ERC1: variants seen among roughly 807,000 people sequenced by gnomAD.
ERC1 encodes the protein RAB6 interacting protein 2.
A neutral mutation model predicts 132.0 loss-of-function variants in ERC1; 56 were observed. The observed-to-expected ratio is 0.42, with a 90% CI of 0.34 to 0.53. The LOEUF is 0.53. ERC1 is among the 20% of genes least tolerant of loss of function. The pLI is 0.03. For synonymous variants in ERC1, 478 were observed against 476.1 expected (o/e 1.00, Z -0.05); for missense variants, 1,202 against 1,349.9 (o/e 0.89, Z 1.72).
At chr12:1,130,740 A>T (rs35043138) in intron 7 of ERC1, among the ~76,000 whole-genome samples, 132,912 of 151,522 alleles carry the variant, frequency 0.88, 58,941 homozygotes, top group East Asian at 1. Context: ...CAAACAGAGC[A>T]CAATTGCAGT....
chr12:1,216,630 G>C (rs1402333047), intron 12 of ERC1, among the ~76,000 whole-genome samples: 2 of 105,658 alleles, frequency 1.9e-5, no homozygotes, highest in African/African-American at 7.6e-5. Context: ...GGTGGGGGGC[G>C]GGGGGAGTAA....
intron 18 of ERC1, among the ~76,000 whole-genome samples, chr12:1,448,444 A>G (rs2154414862): frequency 6.6e-6 from 1 of 152,350 alleles, no homozygotes; most frequent in Non-Finnish European, 1.5e-5. Flanking sequence ...GAAGTAATGT[A>G]GGCTGTCTAA....
intron 17 of ERC1, among the ~76,000 whole-genome samples, chr12:1,436,294 C>G (rs779815041): frequency 1.3e-5 from 2 of 152,214 alleles, no homozygotes; most frequent in East Asian, 3.8e-4. Flanking sequence ...TATCAAATCT[C>G]ATAGTGACTA....
chr12:1,366,879 A>C (rs1466116898), intron 15 of ERC1, among the ~76,000 whole-genome samples: 1 of 152,220 alleles, frequency 6.6e-6, no homozygotes, highest in Non-Finnish European at 1.5e-5. Flanking sequence ...TTTACATTAA[A>C]GAGATATTTC....
chr12:1,431,614 T>A (rs559002072), intron 17 of ERC1, among the ~76,000 whole-genome samples: 1 of 152,368 alleles, frequency 6.6e-6, no homozygotes, highest in East Asian at 1.9e-4. Flanking sequence ...AATTATCACT[T>A]CCTGTAACTG....
At chr12:1,483,759 G>A (rs376877604) in intron 18 of ERC1, among the ~76,000 whole-genome samples, 3 of 125,914 alleles carry the variant, frequency 2.4e-5, no homozygotes, top group African/African-American at 6.2e-5. Context: ...GCGCGATCTC[G>A]CCTTACTGCA....
intron 7 of ERC1, among the ~76,000 whole-genome samples, chr12:1,130,989 A>T (rs1948709163): frequency 6.6e-6 from 1 of 152,234 alleles, no homozygotes; most frequent in South Asian, 2.1e-4. Flanking sequence ...CTGTTAAAAA[A>T]ATTTATGAAG....
intron 7 of ERC1, among the ~76,000 whole-genome samples, chr12:1,121,679 CTATCTCTATCTCTATCTCT>C (rs1947139414): frequency 1.4e-5 from 1 of 69,286 alleles, no homozygotes; most frequent in African/African-American, 5.6e-5. Context: ...CTATCTCTAT[CTATCTCTATCTCTATCTCT>C]ATCTCTATCT....
At chr12:1,468,410 C>G (rs901802709) in intron 18 of ERC1, among the ~76,000 whole-genome samples, 1 of 152,178 alleles carries the variant, frequency 6.6e-6, no homozygotes, top group Non-Finnish European at 1.5e-5. Context: ...CAAGGTCAGC[C>G]TGGCCAACAT....
intron 4 of ERC1, among the ~76,000 whole-genome samples, chr12:1,108,245 G>C (rs1044520192): frequency 2.0e-5 from 3 of 152,152 alleles, no homozygotes; most frequent in African/African-American, 7.2e-5. Context: ...GGTAGTGAGG[G>C]TGCTAATTTG....
chr12:1,039,040 A>T (rs1456758367), intron 2 of ERC1, among the ~76,000 whole-genome samples: 2 of 151,970 alleles, frequency 1.3e-5, no homozygotes, highest in Non-Finnish European at 2.9e-5. Context: ...CCCATCTCTT[A>T]AAAAACAAAA....
At chr12:1,301,737 C>T (rs1594866308) in intron 15 of ERC1, among the ~76,000 whole-genome samples, 5 of 151,812 alleles carry the variant, frequency 3.3e-5, no homozygotes, top group Non-Finnish European at 2.9e-5. Flanking sequence ...AATACCTGAG[C>T]GATGAAATAG....
intron 8 of ERC1, among the ~76,000 whole-genome samples, chr12:1,144,624 A>ATATATATATATATATATATATATGTT (rs147176639): frequency 6.7e-6 from 1 of 149,552 alleles, no homozygotes; most frequent in African/African-American, 2.5e-5. Context: ...GTATATATAT[A>ATATATATATATATATATATATATGTT]TATATATATA....
At chr12:1,346,669 G>A (rs530393921) in intron 15 of ERC1, among the ~76,000 whole-genome samples, 31 of 152,244 alleles carry the variant, frequency 2.0e-4, no homozygotes, top group South Asian at 4.1e-4. Flanking sequence ...TCGGCCGGGC[G>A]CGGTGGCTCA....
chr12:1,415,679 T>C (rs754431750), intron 17 of ERC1, among the ~76,000 whole-genome samples: 24 of 152,226 alleles, frequency 1.6e-4, no homozygotes, highest in Non-Finnish European at 3.2e-4. Flanking sequence ...TTGCACTGCT[T>C]TCTTGGTATG....
At chr12:1,198,768 G>A (rs575104482) in intron 12 of ERC1, among the ~76,000 whole-genome samples, 3 of 150,888 alleles carry the variant, frequency 2.0e-5, no homozygotes, top group Admixed American at 6.6e-5. Context: ...TTACATGGCC[G>A]GCAGGAGAGA....
At chr12:1,458,350 T>C (rs2093581158) in intron 18 of ERC1, among the ~76,000 whole-genome samples, 2 of 152,186 alleles carry the variant, frequency 1.3e-5, no homozygotes, top group South Asian at 4.2e-4. Flanking sequence ...TTTGTTATTA[T>C]AGGAGATAAG....
intron 7 of ERC1, among the ~76,000 whole-genome samples, chr12:1,122,569 G>C (rs61192445): frequency 0.024 from 139 of 5,888 alleles, 2 homozygotes; most frequent in Admixed American, 0.054. Context: ...ATCTCTATCT[G>C]TGTCTCTATC....
chr12:1,418,644 TC>T (rs1565396335), intron 17 of ERC1, among the ~76,000 whole-genome samples: 37 of 121,476 alleles, frequency 3.0e-4, no homozygotes, highest in African/African-American at 1.2e-3. Context: ...TCTTTCTTTC[TC>T]TCTCTCTCTC....
Sources: gnomAD v4.1 joint callset for allele counts (sites outside exome capture counted in the v4.1 genomes callset) on GRCh38, gnomAD v4.1.1 for gene constraint, MANE v1.5 for transcripts, NCBI Gene and HGNC (gene_info 2026-07-23, HGNC 2026-07-21) for gene names.